GTF2B: variants seen among roughly 807,000 people sequenced by gnomAD.
GTF2B encodes general transcription factor IIB, also known as transcription initiation factor IIB.
Under a neutral mutation model 34.6 loss-of-function variants are expected in GTF2B, and 20 were observed. That is an observed-to-expected ratio of 0.58 (90% confidence interval 0.41 to 0.84). The LOEUF (loss-of-function observed/expected upper bound fraction) is 0.84. GTF2B is among the 40% of genes least tolerant of loss of function. GTF2B has a pLI of 0.00. For missense variants in GTF2B, 237 were observed against 393.3 expected (o/e 0.60, Z 3.36); for synonymous variants, 142 against 132.4 (o/e 1.07, Z -0.50).
intron 3 of GTF2B, among the ~76,000 whole-genome samples, chr1:88,860,727 G>A (rs1306127958): frequency 6.6e-6 from 1 of 152,032 alleles, no homozygotes; most frequent in Non-Finnish European, 1.5e-5. Context: ...ACGCTAAAAA[G>A]GCAAATGAAC....
chr1:88,867,578 T>C (rs1673590526), intron 2 of GTF2B, among the ~76,000 whole-genome samples: 1 of 152,160 alleles, frequency 6.6e-6, no homozygotes, highest in Non-Finnish European at 1.5e-5. Context: ...CATCAATAAC[T>C]TGCAATATTT....
At chr1:88,865,585 G>A (rs1041186688) in intron 2 of GTF2B, among the ~76,000 whole-genome samples, 3 of 152,148 alleles carry the variant, frequency 2.0e-5, no homozygotes, top group Non-Finnish European at 4.4e-5. Context: ...GTTGGTCATG[G>A]TGGCACATGC....
chr1:88,858,426 T>C (rs1673366382), intron 5 of GTF2B, among the ~76,000 whole-genome samples: 1 of 152,154 alleles, frequency 6.6e-6, no homozygotes. Flanking sequence ...TACCAAGGAA[T>C]TGAAAGAAAA....
intron 2 of GTF2B, among the ~76,000 whole-genome samples, chr1:88,884,433 G>A (rs1570736986): frequency 6.6e-6 from 1 of 152,262 alleles, no homozygotes; most frequent in African/African-American, 2.4e-5. Flanking sequence ...ACTTTTAATT[G>A]ACTACTGATG....
chr1:88,860,390 G>C lies in GTF2B; in HGVS notation c.259-104C>G, dbSNP rs969997409. 12 of 773,062 alleles carry C rather than the reference G, an allele frequency of 1.6e-5. No homozygotes were observed. The African/African-American group carries it at 2.1e-4, about 13-fold the overall frequency. 47.9% of individuals were successfully genotyped at this position (773,062 alleles called of 1,614,324 possible). ...ACAAGATCTGATTCTACATAGACCA[G>C]AAATCTGAATTGTGCATCCTGCTCA... On this transcript the variant is annotated intron_variant, in intron 3 of 6. Transcript: ENST00000370500.
intron 2 of GTF2B, among the ~76,000 whole-genome samples, chr1:88,878,879 G>A (rs1300569741): frequency 1.3e-5 from 2 of 152,202 alleles, no homozygotes; most frequent in East Asian, 3.8e-4. Context: ...ATCCATGTGC[G>A]GAGGTCAAGG....
chr1:88,891,272 G>A (rs1057167462), intron 1 of GTF2B, among the ~76,000 whole-genome samples: 2 of 152,210 alleles, frequency 1.3e-5, no homozygotes, highest in South Asian at 2.1e-4. Flanking sequence ...TAAGACTCCA[G>A]GGCAATAACG....
intron 2 of GTF2B, among the ~76,000 whole-genome samples, chr1:88,886,503 T>C (rs1159648960): frequency 6.6e-6 from 1 of 152,178 alleles, no homozygotes; most frequent in African/African-American, 2.4e-5. Context: ...AATAGATGAC[T>C]GTATAAAAGT....
rs556066420 is a variant in GTF2B at position 88,859,386 on chromosome 1, A to G, written c.535+496T>C. Among the ~76,000 whole-genome samples the G allele has an allele frequency of 7.9e-5, 12 of 152,338 alleles. No homozygotes were observed. The South Asian group carries it at 2.5e-3, about 32-fold the overall frequency. ...ATGAGTCTACATGGGAAAACAGCCT[A>G]AAAGAACATGCTATGAATTTGCTGT... On this transcript the variant is annotated intron_variant, in intron 5 of 6. Coordinates refer to ENST00000370500, the MANE Select transcript of GTF2B (RefSeq NM_001514.6).
chr1:88,862,079 G>A (rs376093292), intron 3 of GTF2B, among the ~76,000 whole-genome samples: 2 of 152,038 alleles, frequency 1.3e-5, no homozygotes, highest in Admixed American at 1.3e-4. Context: ...AAAGACTAGC[G>A]AAGAAAATGC....
rs549644349 is a variant in GTF2B at position 88,856,725 on chromosome 1, AT to A, written c.817+480del. On this transcript the variant is annotated intron_variant, in intron 6 of 6. Transcript: ENST00000370500. Reference sequence around the variant, plus strand: ...TGTTCACAGGGTTATGTCTCTGAACATTTTTTTTATGAGCTGCTTAAAAAGC... The same window carrying A: ...TGTTCACAGGGTTATGTCTCTGAACATTTTTTTATGAGCTGCTTAAAAAGC... Among the ~76,000 whole-genome samples the A allele has an allele frequency of 1.8e-3, 277 of 151,852 alleles. 1 individual carries two copies. The highest frequency in any genetic ancestry group is 6.4e-3 in the African/African-American group (267 of 41,438).
At chr1:88,889,772 A>C (rs752813734) in intron 1 of GTF2B, among the ~76,000 whole-genome samples, 8 of 152,216 alleles carry the variant, frequency 5.3e-5, no homozygotes, top group Non-Finnish European at 1.2e-4. Context: ...TTACCACAGC[A>C]CTTTGGTAGG....
intron 2 of GTF2B, among the ~76,000 whole-genome samples, chr1:88,874,497 ATTTTTTTTTTTT>A (rs56331310): frequency 6.0e-5 from 5 of 83,578 alleles, no homozygotes; most frequent in Non-Finnish European, 1.2e-4. Context: ...AGCTAATTAA[ATTTTTTTTTTTT>A]TTTTTTTTTT....
At chr1:88,869,475 T>G (rs894979270) in intron 2 of GTF2B, among the ~76,000 whole-genome samples, 4 of 152,228 alleles carry the variant, frequency 2.6e-5, no homozygotes, top group South Asian at 2.1e-4. Flanking sequence ...TTTTTGAAAT[T>G]ATTTCAAGCC....
chr1:88,867,160 T>G (rs972923168), intron 2 of GTF2B, among the ~76,000 whole-genome samples: 8 of 152,186 alleles, frequency 5.3e-5, no homozygotes, highest in African/African-American at 1.4e-4. Context: ...TTTTCTTCCT[T>G]TTTACAAAAT....
rs917631279 is a variant in GTF2B, at chr1:88,860,216, G to C, written c.329C>G (p.Ser110Cys). ...KYQNRRTMSS[S>C]DRAMMNAFKE... ...GAATGCATTCATCATTGCCCGATCA[G>C]AACTGCTCATTGTTCTCCGATTCTG... The change falls in exon 4 of 7, where the codon TCT (serine) becomes TGT (cysteine). Residue 110 changes from serine to cysteine, a missense_variant. This residue lies in a region of GTF2B where 130 missense variants were observed against 170.9 expected (regional missense o/e 0.76). Transcript: ENST00000370500. 1.9e-6 allele frequency: 3 copies of C among 1,613,516 alleles called. No individual in the cohort carries two copies. Among genetic ancestry groups the C allele is most frequent in the African/African-American group, 2.7e-5 (2 of 74,918 alleles).
intron 1 of GTF2B, 87 bp from the exon 2 acceptor site, chr1:88,887,454 A>G (rs1393124957): frequency 1.2e-5 from 10 of 808,030 alleles, no homozygotes; most frequent in Non-Finnish European, 1.9e-5. Flanking sequence ...GAAGACAAAG[A>G]TTGTGAACGT....
At chr1:88,890,440 A>G (rs943540155) in intron 1 of GTF2B, among the ~76,000 whole-genome samples, 2 of 152,232 alleles carry the variant, frequency 1.3e-5, no homozygotes, top group African/African-American at 4.8e-5. Context: ...TTTTGTAAAA[A>G]TGGCTTTCAC....
intron 2 of GTF2B, among the ~76,000 whole-genome samples, chr1:88,865,213 A>G (rs1673521927): frequency 6.6e-6 from 1 of 152,162 alleles, no homozygotes; most frequent in Non-Finnish European, 1.5e-5. Flanking sequence ...CTATGTCTTT[A>G]TTACCTCAGC....
Sources: gnomAD v4.1 joint callset for allele counts (sites outside exome capture counted in the v4.1 genomes callset) on GRCh38, gnomAD v4.1.1 for gene constraint, gnomAD v4.1.1 regional missense constraint, MANE v1.5 for transcripts, NCBI Gene and HGNC (gene_info 2026-07-23, HGNC 2026-07-21) for gene names.